The following ARHGEF33 variants were observed in gnomAD, a reference collection of about 807,000 sequenced individuals.
ARHGEF33 encodes Rho guanine nucleotide exchange factor 33.
ARHGEF33 carries 72 observed loss-of-function variants against 101.9 expected under a neutral mutation model. The ratio of observed to expected loss-of-function variants is 0.71; its 90% CI spans 0.58 to 0.86. ARHGEF33 has a LOEUF of 0.86. Ranked by LOEUF, ARHGEF33 falls within the 40% of genes least tolerant of loss-of-function variation. ARHGEF33 has a pLI of 0.00. For synonymous variants in ARHGEF33, 499 were observed against 442.5 expected, an observed-to-expected ratio of 1.13 and a Z score of -1.60; for missense variants, 1,169 against 1,111.3, an observed-to-expected ratio of 1.05 and a Z score of -0.74.
intron 17 of ARHGEF33, among the ~76,000 whole-genome samples, chr2:38,971,051 G>A (rs999043721): frequency 6.6e-6 from 1 of 152,204 alleles, no homozygotes; most frequent in African/African-American, 2.4e-5. Context: ...AACAGGATGG[G>A]TGTTTCCTTG....
At chr2:38,956,803 T>C (rs999140016) in intron 13 of ARHGEF33, 96 bp from the exon 14 acceptor site, 106 of 1,390,224 alleles carry the variant, frequency 7.6e-5, no homozygotes, top group Non-Finnish European at 9.8e-5. Context: ...TAAATGGCTA[T>C]GAATCTCCCA....
At chr2:38,933,247 G>A (rs1161008476) in intron 7 of ARHGEF33, among the ~76,000 whole-genome samples, 18 of 152,104 alleles carry the variant, frequency 1.2e-4, no homozygotes. Context: ...TTATCACCTG[G>A]TTATTGGCAG....
At chr2:38,953,481 C>A (rs1254295163) in intron 12 of ARHGEF33, among the ~76,000 whole-genome samples, 1 of 152,190 alleles carries the variant, frequency 6.6e-6, no homozygotes, top group Non-Finnish European at 1.5e-5. Flanking sequence ...GAACTATAGA[C>A]AAACTATAGT....
At chr2:38,927,107 G>A (rs1161501584) in intron 4 of ARHGEF33, among the ~76,000 whole-genome samples, 1 of 152,102 alleles carries the variant, frequency 6.6e-6, no homozygotes, top group African/African-American at 2.4e-5. Flanking sequence ...TGCTTATGAT[G>A]TTTCCCAGCC....
chr2:38,949,090 G>C (rs776333593), intron 10 of ARHGEF33, among the ~76,000 whole-genome samples: 1 of 152,068 alleles, frequency 6.6e-6, no homozygotes, highest in African/African-American at 2.4e-5. Flanking sequence ...TCGTGTTTGT[G>C]TGTCTCCTCT....
intron 1 of ARHGEF33, among the ~76,000 whole-genome samples, chr2:38,895,185 G>GT (rs1558421167): frequency 6.6e-6 from 1 of 152,178 alleles, no homozygotes. Flanking sequence ...TACAGGTCAG[G>GT]AAACCGAAGT....
rs538567883 is a variant in ARHGEF33, at chr2:38,962,140, A to G, written c.2343+1492A>G. On this transcript the variant is annotated intron_variant, in intron 16 of 17. Transcript: ENST00000409978. ...AGATTTTCCTCTAGCTCTGATTTTC[A>G]ACCCCAAGCTTTGTAAAATTTGATT... Among the ~76,000 whole-genome samples the G allele has an allele frequency of 3.3e-5, 5 of 152,342 alleles. No individual in the cohort carries two copies. The South Asian group carries it at 6.2e-4, about 19-fold the overall frequency.
intron 17 of ARHGEF33, among the ~76,000 whole-genome samples, chr2:38,967,477 T>C (rs1572784091): frequency 6.6e-6 from 1 of 152,220 alleles, no homozygotes; most frequent in East Asian, 1.9e-4. Flanking sequence ...TCTAGGATCA[T>C]ATAGACTTAG....
chr2:38,906,188 CAAAAAAA>C (rs70954773), intron 2 of ARHGEF33, among the ~76,000 whole-genome samples: 114 of 66,024 alleles, frequency 1.7e-3, no homozygotes, highest in African/African-American at 6.3e-3. Context: ...GACTCTGTCT[CAAAAAAA>C]AAAAAAAAAA....
chr2:38,897,535 G>A (rs1666148263), intron 2 of ARHGEF33, among the ~76,000 whole-genome samples: 1 of 152,072 alleles, frequency 6.6e-6, no homozygotes, highest in South Asian at 2.1e-4. Context: ...TTTTGAGAGA[G>A]TAATTATAGA....
intron 2 of ARHGEF33, among the ~76,000 whole-genome samples, chr2:38,904,541 A>C (rs1356073420): frequency 6.6e-6 from 1 of 151,990 alleles, no homozygotes; most frequent in Non-Finnish European, 1.5e-5. Flanking sequence ...TCCCATCCCT[A>C]CTAAAAATAC....
chr2:38,947,617 C>T (rs756722524), intron 10 of ARHGEF33, among the ~76,000 whole-genome samples: 6 of 152,186 alleles, frequency 3.9e-5, no homozygotes, highest in African/African-American at 7.2e-5. Context: ...CTCTGTTGCC[C>T]AGGCTGTCAT....
Position 38,909,492 on chromosome 2 carries a change from CT to C in ARHGEF33, c.-85-9853del, listed in dbSNP as rs768568418. On this transcript the variant is annotated intron_variant, in intron 2 of 17. Transcript: ENST00000409978. Reference sequence around the variant, plus strand: ...GTGCACCACCACGACTGGCTAATTTCTTTTTTTTTTTTTTTTTTGTATTTTT... The same window carrying C: ...GTGCACCACCACGACTGGCTAATTTCTTTTTTTTTTTTTTTTTGTATTTTT... 5.9e-3 allele frequency among the ~76,000 whole-genome samples: 687 copies of C among 117,396 alleles called. 23 individuals are homozygous for C. In the East Asian group the frequency reaches 0.12, roughly 20 times the overall value. 77.0% of individuals were successfully genotyped at this position (117,396 alleles called of 152,430 possible). A position where few individuals can be genotyped will look rare whatever the true frequency, so the allele number is the denominator to read the frequency against.
intron 17 of ARHGEF33, chr2:38,972,985 T>C (rs1276569593): frequency 6.6e-6 from 1 of 152,222 alleles, no homozygotes; most frequent in Non-Finnish European, 1.5e-5. Flanking sequence ...TCAGAGGTTA[T>C]TTCCAGAAAG....
At chr2:38,969,877 A>C (rs968489508) in intron 17 of ARHGEF33, among the ~76,000 whole-genome samples, 1 of 152,230 alleles carries the variant, frequency 6.6e-6, no homozygotes, top group Non-Finnish European at 1.5e-5. Flanking sequence ...TTCTAGAAGG[A>C]TCTATACAGA....
intron 2 of ARHGEF33, among the ~76,000 whole-genome samples, chr2:38,915,511 A>G (rs2124988739): frequency 6.7e-6 from 1 of 150,232 alleles, no homozygotes; most frequent in Admixed American, 6.7e-5. Context: ...AGCTGGGATT[A>G]CAAGGCGTGT....
chr2:38,904,637 G>T (rs770960500), intron 2 of ARHGEF33, among the ~76,000 whole-genome samples: 11 of 151,526 alleles, frequency 7.3e-5, no homozygotes, highest in Non-Finnish European at 1.5e-4. Context: ...AACCTGGGAG[G>T]CAGAGGTGAG....
chr2:38,935,896 C>G, intron 8 of ARHGEF33, 62 bp downstream of exon 8: 2 of 1,289,268 alleles, frequency 1.6e-6, no homozygotes, highest in South Asian at 2.6e-5. Context: ...CCACTTCTAT[C>G]TTCCCTGCTT....
rs577894682 is a variant in ARHGEF33, at chr2:38,915,477, C to T, written c.-85-3886C>T. 6.6e-5 allele frequency among the ~76,000 whole-genome samples: 10 copies of T among 150,842 alleles called. No individual in the cohort carries two copies. In the South Asian group the frequency reaches 1.5e-3, roughly 22 times the overall value. On this transcript the variant is annotated intron_variant, in intron 2 of 17. Transcript: ENST00000409978. ...TCGGCTCACTGCAATCTCTGCCTCC[C>T]GGGTTCAAGCAATTCTCCTGAGTAG...
Sources: gnomAD v4.1 joint callset for allele counts (sites outside exome capture counted in the v4.1 genomes callset) on GRCh38, gnomAD v4.1.1 for gene constraint, MANE v1.5 for transcripts, NCBI Gene and HGNC (gene_info 2026-07-23, HGNC 2026-07-21) for gene names.